The following RHOBTB3 variants were observed in gnomAD, a reference collection of about 807,000 sequenced individuals.
RHOBTB3 encodes the protein Rho related BTB domain containing 3, also known as rho-related BTB domain-containing protein 3.
A neutral mutation model predicts 67.2 loss-of-function variants in RHOBTB3; 47 were observed. That is an observed-to-expected ratio of 0.70 (90% confidence interval 0.55 to 0.89). The LOEUF (loss-of-function observed/expected upper bound fraction) is 0.89. Among genes scored for constraint, RHOBTB3 ranks in the 40% least tolerant of loss-of-function variants. The pLI is 0.00. For missense variants in RHOBTB3, 631 were observed against 750.0 expected, an observed-to-expected ratio of 0.84 and a Z score of 1.85; for synonymous variants, 273 against 274.2, an observed-to-expected ratio of 1.00 and a Z score of 0.04.
rs1746490765 is a variant in RHOBTB3, at chr5:95,793,773, A to G, written c.*599A>G. On this transcript the variant is annotated 3_prime_UTR_variant, in exon 12 of 12. Coordinates refer to ENST00000379982, the MANE Select transcript of RHOBTB3 (RefSeq NM_014899.4). ...TGAGCCACTTTATCTCCTTTTGGCAATCTGAGTAGGCGGGGAACCTAGGCA... is the reference window on the plus strand; with the variant it reads ...TGAGCCACTTTATCTCCTTTTGGCAGTCTGAGTAGGCGGGGAACCTAGGCA... 1 of 264,178 alleles carries G rather than the reference A, an allele frequency of 3.8e-6. No homozygotes were observed. The allele number at this position is 264,178 out of a possible 1,614,324, so 16.4% of individuals were successfully genotyped here.
At chr5:95,756,675 A>AT (rs1366368898) in intron 6 of RHOBTB3, among the ~76,000 whole-genome samples, 1 of 151,786 alleles carries the variant, frequency 6.6e-6, no homozygotes, top group Non-Finnish European at 1.5e-5. Context: ...CTTGCTGTTT[A>AT]TTTTTTTTAA....
Position 95,780,561 on chromosome 5 carries a change from A to G in RHOBTB3, c.1456+136A>G, listed in dbSNP as rs1580426453. The G allele has an allele frequency of 9.4e-6, 7 of 744,466 alleles. No homozygotes were observed. In the East Asian group the frequency reaches 1.9e-4, roughly 20 times the overall value. 46.1% of individuals were successfully genotyped at this position (744,466 alleles called of 1,614,324 possible). On this transcript the variant is annotated intron_variant, in intron 9 of 11. Coordinates refer to ENST00000379982, the MANE Select transcript of RHOBTB3 (RefSeq NM_014899.4). ...ATCACGGAATGTACTAAGCAATTAG[A>G]GGTGGTGCTGGAACAACAATGAATT... is the stretch of plus-strand genomic sequence containing the variant.
At chr5:95,769,843 C>A in intron 8 of RHOBTB3, 1 of 287,750 alleles carries the variant, frequency 3.5e-6, no homozygotes, top group South Asian at 3.9e-5. Context: ...CAGTATACAC[C>A]TTTGGTTGTC....
Position 95,731,754 on chromosome 5 carries a change from G to A in RHOBTB3, c.2+70G>A, listed in dbSNP as rs923155651. 29 of 1,607,308 alleles carry A rather than the reference G, an allele frequency of 1.8e-5. No individual in the cohort carries two copies. The African/African-American group carries it at 3.5e-4, about 19-fold the overall frequency. On this transcript the variant is annotated intron_variant, in intron 1 of 11. Coordinates refer to ENST00000379982, the MANE Select transcript of RHOBTB3 (RefSeq NM_014899.4). ...GCCGTGCGCCCCAGGGACAGGGGCT[G>A]GTGCCCATCCTCGCCGCGCGCTGTC...
At chr5:95,756,232 T>G (rs1745242654) in intron 6 of RHOBTB3, 1 of 157,780 alleles carries the variant, frequency 6.3e-6, no homozygotes, top group African/African-American at 2.4e-5. Flanking sequence ...CTCTCCTAAG[T>G]GCCTCATGTA....
upstream of RHOBTB3, among the ~76,000 whole-genome samples, chr5:95,729,957 C>T (rs1755171863): frequency 6.6e-6 from 1 of 151,992 alleles, no homozygotes; most frequent in Non-Finnish European, 1.5e-5. Context: ...CCGGAAAAGA[C>T]TGATGAGAAA....
intron 11 of RHOBTB3, among the ~76,000 whole-genome samples, chr5:95,789,891 G>A (rs1423788556): frequency 6.6e-6 from 1 of 152,158 alleles, no homozygotes; most frequent in Non-Finnish European, 1.5e-5. Flanking sequence ...ATTCCACCTC[G>A]GTGTAATCCC....
intron 5 of RHOBTB3, among the ~76,000 whole-genome samples, chr5:95,753,908 G>T (rs756269426): frequency 6.6e-6 from 1 of 152,030 alleles, no homozygotes; most frequent in Non-Finnish European, 1.5e-5. Context: ...TCAGGAGTTC[G>T]AGACCAGTCT....
intron 4 of RHOBTB3, chr5:95,751,190 G>A (rs889815227): frequency 3.3e-5 from 5 of 152,130 alleles, no homozygotes; most frequent in African/African-American, 1.2e-4. Context: ...AGAGAAGAAA[G>A]CGAAGTTTCC....
chr5:95,718,809 A>G (rs908600055), intron 1 of RHOBTB3, among the ~76,000 whole-genome samples: 6 of 152,192 alleles, frequency 3.9e-5, no homozygotes, highest in African/African-American at 1.4e-4. Context: ...TAGGGAAGAA[A>G]ACGAAGACAG....
chr5:95,732,232 C>A, intron 2 of RHOBTB3, 148 bp downstream of exon 2: 1 of 733,850 alleles, frequency 1.4e-6, no homozygotes, highest in Non-Finnish European at 2.3e-6. Context: ...AATCTTTGGT[C>A]CTTTGTTTCA....
intron 8 of RHOBTB3, among the ~76,000 whole-genome samples, chr5:95,771,414 GA>G (rs772489650): frequency 1.3e-5 from 2 of 152,156 alleles, no homozygotes; most frequent in South Asian, 4.1e-4. Context: ...CAGGGAAATG[GA>G]AACTTTCCAA....
intron 11 of RHOBTB3, among the ~76,000 whole-genome samples, chr5:95,792,685 G>A (rs542827196): frequency 4.6e-5 from 7 of 151,544 alleles, no homozygotes; most frequent in South Asian, 4.2e-4. Flanking sequence ...CCAACTACTC[G>A]GGAGGCTGAG....
chr5:95,783,330 G>A (rs916501614), intron 9 of RHOBTB3, among the ~76,000 whole-genome samples: 6 of 151,218 alleles, frequency 4.0e-5, no homozygotes, highest in Non-Finnish European at 7.4e-5. Context: ...CACCATGTCC[G>A]CCAGGATGGA....
At chr5:95,758,598 C>G (rs1270045370) in intron 6 of RHOBTB3, among the ~76,000 whole-genome samples, 1 of 152,170 alleles carries the variant, frequency 6.6e-6, no homozygotes. Context: ...ACAGTGCGGC[C>G]AAGACAGGCA....
Position 95,748,456 on chromosome 5 carries a change from A to C in RHOBTB3, c.539A>C (p.Asp180Ala). The C allele has an allele frequency of 6.2e-7, 1 of 1,612,230 alleles. No individual in the cohort carries two copies. The highest frequency in any genetic ancestry group is 8.5e-7 in the Non-Finnish European group (1 of 1,179,014). The change falls in exon 4 of 12, where the codon GAC (aspartate) becomes GCC (alanine). Residue 180 changes from aspartate to alanine, a missense_variant. Coordinates refer to ENST00000379982, the MANE Select transcript of RHOBTB3 (RefSeq NM_014899.4). ...ATYLELHSLD[D>A]FYIGKYFGGV... ...TATCTTGAACTCCACAGCCTTGATG[A>C]CTTCTACATAGGAAAGTATTTTGGA...
At chr5:95,741,854 T>G (rs1188400275) in intron 3 of RHOBTB3, among the ~76,000 whole-genome samples, 1 of 152,248 alleles carries the variant, frequency 6.6e-6, no homozygotes, top group Non-Finnish European at 1.5e-5. Context: ...CTTCTGTAAA[T>G]GGAGCTTTCC....
intron 6 of RHOBTB3, among the ~76,000 whole-genome samples, chr5:95,757,362 C>T (rs1745277150): frequency 6.6e-6 from 1 of 152,150 alleles, no homozygotes; most frequent in Non-Finnish European, 1.5e-5. Context: ...TTTCTTTACC[C>T]ACTTCAAATC....
intron 10 of RHOBTB3, among the ~76,000 whole-genome samples, chr5:95,785,468 C>T (rs1746197158): frequency 6.6e-6 from 1 of 151,074 alleles, no homozygotes; most frequent in Admixed American, 6.6e-5. Context: ...GTGGCGGGTG[C>T]CTGTAGTCCC....
Sources: gnomAD v4.1 joint callset for allele counts (sites outside exome capture counted in the v4.1 genomes callset) on GRCh38, gnomAD v4.1.1 for gene constraint, MANE v1.5 for transcripts, NCBI Gene and HGNC (gene_info 2026-07-23, HGNC 2026-07-21) for gene names.